The following NXPE4 variants were observed in gnomAD, a reference collection of about 807,000 sequenced individuals.
The protein encoded by NXPE4 is neurexophilin and PC-esterase domain family member 4.
In NXPE4, 42 loss-of-function variants were observed where a neutral mutation model predicts 33.3. That is an observed-to-expected ratio of 1.26 (90% CI 0.98 to 1.63). The LOEUF is 1.63. Ranked by LOEUF, NXPE4 falls within the 40% of genes most tolerant of loss-of-function variation. The probability of loss-of-function intolerance (pLI) is 0.00; values close to 1 mark genes in which losing one functional copy is unlikely to be tolerated. For synonymous variants in NXPE4, 253 were observed against 234.9 expected (o/e 1.08, Z -0.71); for missense variants, 709 against 647.6 (o/e 1.09, Z -1.03).
chr11:114,631,769 T>A, the NXPE4 span, among the ~76,000 whole-genome samples: 4 of 151,814 alleles, frequency 2.6e-5, no homozygotes, highest in South Asian at 8.3e-4. Context: ...GGATAATAAG[T>A]ATTGCCTCAT....
chr11:114,653,197 C>T, the NXPE4 span, among the ~76,000 whole-genome samples: 1,244 of 152,146 alleles, frequency 8.2e-3, 18 homozygotes, highest in African/African-American at 0.028. Context: ...TAAAACAAAA[C>T]ATTTATTATT....
upstream of NXPE4, among the ~76,000 whole-genome samples, chr11:114,596,764 A>G (rs554965843): frequency 1.3e-5 from 2 of 152,338 alleles, no homozygotes; most frequent in South Asian, 2.1e-4. Context: ...GCAACCACCC[A>G]AGTTCACAGT....
upstream of NXPE4, among the ~76,000 whole-genome samples, chr11:114,600,033 A>G (rs927343824): frequency 1.3e-5 from 2 of 152,208 alleles, no homozygotes; most frequent in African/African-American, 4.8e-5. Context: ...AAATATGGCA[A>G]AAGTGAAGGA....
chr11:114,664,229 C>T, the NXPE4 span, among the ~76,000 whole-genome samples: 1 of 152,038 alleles, frequency 6.6e-6, no homozygotes, highest in Non-Finnish European at 1.5e-5. Context: ...ATCTCAAATG[C>T]AGTATGCCAA....
At chr11:114,618,779 A>G in the NXPE4 span, among the ~76,000 whole-genome samples, 2 of 152,032 alleles carry the variant, frequency 1.3e-5, no homozygotes, top group Non-Finnish European at 2.9e-5. Context: ...GTGGATAAAA[A>G]GTGTTGCCTC....
intron 2 of NXPE4, among the ~76,000 whole-genome samples, chr11:114,590,364 G>T (rs774504214): frequency 5.9e-5 from 9 of 152,176 alleles, no homozygotes; most frequent in Non-Finnish European, 1.0e-4. Context: ...GGGGAAGAAA[G>T]AATTAAGCCC....
chr11:114,573,118 C>T (rs1339094766), intron 5 of NXPE4, among the ~76,000 whole-genome samples: 2 of 152,064 alleles, frequency 1.3e-5, no homozygotes, highest in East Asian at 1.9e-4. Flanking sequence ...AACTAAGCTT[C>T]GTAAATGAAG....
Position 114,582,355 on chromosome 11 carries a change from T to C in NXPE4, c.763A>G (p.Thr255Ala), listed in dbSNP as rs1020325592. 3 of 1,612,784 alleles carry C rather than the reference T, an allele frequency of 1.9e-6. No individual in the cohort carries two copies. The highest frequency in any genetic ancestry group is 2.5e-6 in the Non-Finnish European group (3 of 1,179,082). ...TTCTTGTTCTTAGAATACATGTGAG[T>C]GAGTGCAGCACAGGGCATGTGTTGA... ...RPQHMPCAAL[T>A]HMYSKNKKVS... The change falls in exon 3 of 6, where the codon ACT becomes GCT. Residue 255 changes from threonine to alanine, a missense_variant. By Grantham distance (58) the Thr-to-Ala change is moderately conservative. Transcript: ENST00000375478.
At chr11:114,640,255 AT>A in the NXPE4 span, among the ~76,000 whole-genome samples, 1 of 142,802 alleles carries the variant, frequency 7.0e-6, no homozygotes, top group African/African-American at 2.6e-5. Context: ...AAAATATAAA[AT>A]ATATAGTATA....
At chr11:114,605,494 A>G in the NXPE4 span, among the ~76,000 whole-genome samples, 2 of 151,826 alleles carry the variant, frequency 1.3e-5, no homozygotes, top group Non-Finnish European at 2.9e-5. Context: ...CCGGTGGATA[A>G]TAAGTGTTGC....
At chr11:114,602,782 T>C in the NXPE4 span, among the ~76,000 whole-genome samples, 1 of 144,496 alleles carries the variant, frequency 6.9e-6, no homozygotes, top group East Asian at 2.1e-4. Context: ...TACAGAATAA[T>C]GTATAATAAT....
At chr11:114,651,409 A>G in the NXPE4 span, among the ~76,000 whole-genome samples, 1 of 152,134 alleles carries the variant, frequency 6.6e-6, no homozygotes, top group Non-Finnish European at 1.5e-5. Context: ...TCAGGAGTGA[A>G]GCTGCAAACG....
At chr11:114,665,827 T>G in the NXPE4 span, among the ~76,000 whole-genome samples, 4 of 152,170 alleles carry the variant, frequency 2.6e-5, no homozygotes, top group African/African-American at 7.2e-5. Context: ...TTACTGTAAC[T>G]ACTTGAAGCT....
chr11:114,584,378 A>G (rs895559972), intron 2 of NXPE4: 3 of 348,710 alleles, frequency 8.6e-6, no homozygotes, highest in African/African-American at 4.5e-5. Context: ...ATGCAGGCCC[A>G]TCCACCTGCA....
At chr11:114,609,046 C>T in the NXPE4 span, among the ~76,000 whole-genome samples, 1 of 133,100 alleles carries the variant, frequency 7.5e-6, no homozygotes, top group African/African-American at 2.9e-5. Context: ...CTGGTGGATA[C>T]TAAGTATTGC....
the NXPE4 span, among the ~76,000 whole-genome samples, chr11:114,622,755 A>G: frequency 6.6e-6 from 1 of 151,978 alleles, no homozygotes; most frequent in Non-Finnish European, 1.5e-5. Flanking sequence ...CCCAGCGGAT[A>G]AGTGTTGCCT....
chr11:114,677,289 T>A, the NXPE4 span, among the ~76,000 whole-genome samples: 5 of 151,994 alleles, frequency 3.3e-5, no homozygotes, highest in African/African-American at 1.2e-4. Context: ...ACCACACAAA[T>A]AAAAATAACC....
the NXPE4 span, among the ~76,000 whole-genome samples, chr11:114,626,094 G>C: frequency 6.6e-6 from 1 of 152,186 alleles, no homozygotes; most frequent in Non-Finnish European, 1.5e-5. Flanking sequence ...CAGCGAGGCT[G>C]GGAGAGGGGC....
At chr11:114,628,727 C>T in the NXPE4 span, among the ~76,000 whole-genome samples, 1 of 151,192 alleles carries the variant, frequency 6.6e-6, no homozygotes, top group Non-Finnish European at 1.5e-5. Context: ...ATTAACGAAT[C>T]CAGGAGCTGG....
Sources: gnomAD v4.1 joint callset for allele counts (sites outside exome capture counted in the v4.1 genomes callset) on GRCh38, gnomAD v4.1.1 for gene constraint, MANE v1.5 for transcripts, NCBI Gene and HGNC (gene_info 2026-07-23, HGNC 2026-07-21) for gene names.